The following PCNX1 variants were observed in gnomAD, a reference collection of about 807,000 sequenced individuals.
The protein encoded by PCNX1 is pecanex 1, also known as pecanex-like protein 1.
A neutral mutation model predicts 242.2 loss-of-function variants in PCNX1; 78 were observed. That is an observed-to-expected ratio of 0.32 (90% confidence interval 0.27 to 0.39). The LOEUF (loss-of-function observed/expected upper bound fraction) is 0.39, where lower values mean the gene tolerates loss of function less well. Ranked by LOEUF, PCNX1 falls within the 10% of genes least tolerant of loss-of-function variation. PCNX1 has a pLI of 1.00. For synonymous variants in PCNX1, 1,024 were observed against 1,032.9 expected (o/e 0.99, Z 0.17); for missense variants, 2,581 against 2,856.5 (o/e 0.90, Z 2.20).
chr14:71,108,917 T>C lies in PCNX1; in HGVS notation c.6615T>C (p.His2205=). ...GCCAAAGCATCCCAGCCTGCAAACA[T>C]CACACTCTCGTGGGCTTTCTTGCGA... is the stretch of plus-strand genomic sequence containing the variant. ...SSSQSIPACK[H]HTLVGFLATE... is the part of the protein sequence containing the mutation. Residue 2205 remains histidine (H), a synonymous_variant, in exon 34 of 36, where the codon CAT becomes CAC. Transcript: ENST00000304743. The C allele has an allele frequency of 6.2e-7, 1 of 1,614,168 alleles. No homozygotes were observed. Among genetic ancestry groups the C allele is most frequent in the Non-Finnish European group, 8.5e-7 (1 of 1,180,018 alleles).
Position 70,977,793 on chromosome 14 carries a change from G to A in PCNX1, c.1456G>A (p.Ala486Thr). 1 of 1,614,102 alleles carries A rather than the reference G, an allele frequency of 6.2e-7. No individual in the cohort carries two copies. Among genetic ancestry groups the A allele is most frequent in the Non-Finnish European group, 8.5e-7 (1 of 1,180,016 alleles). ...MHNQRGLSTS[A>T]SEEANKNPHA... ...CAACCAGAGAGGTCTCAGCACCTCT[G>A]CATCTGAAGAAGCCAATAAAAATCC... The change falls in exon 6 of 36, where the codon GCA becomes ACA. Residue 486 changes from alanine to threonine, a missense_variant. By Grantham distance (58) the Ala-to-Thr change is moderately conservative. This residue lies in a region of PCNX1 where 1,204 missense variants were observed against 1,216.7 expected (regional missense o/e 0.99). Transcript: ENST00000304743.
intron 1 of PCNX1, among the ~76,000 whole-genome samples, chr14:70,942,438 C>T (rs1029032214): frequency 2.0e-5 from 3 of 152,170 alleles, no homozygotes; most frequent in Admixed American, 6.5e-5. Flanking sequence ...AAACTCTTCT[C>T]CTACTATGCT....
rs973516439 is a variant in PCNX1, at chr14:70,965,738, A to G, written c.469-2460A>G. On this transcript the variant is annotated intron_variant, in intron 3 of 35. Coordinates refer to ENST00000304743, the MANE Select transcript of PCNX1 (RefSeq NM_014982.3). ...GTAGAGAAGAAGAGCTAATGATTTCATAGGATAAAATAATTGTTTCCAGCT... is the reference window on the plus strand; with the variant it reads ...GTAGAGAAGAAGAGCTAATGATTTCGTAGGATAAAATAATTGTTTCCAGCT... Among the ~76,000 whole-genome samples the G allele has an allele frequency of 4.6e-5, 7 of 151,700 alleles. No homozygotes were observed. The South Asian group carries it at 6.2e-4, about 13-fold the overall frequency.
intron 1 of PCNX1, among the ~76,000 whole-genome samples, chr14:70,919,744 G>A (rs1186524938): frequency 1.2e-5 from 1 of 86,002 alleles, no homozygotes; most frequent in Non-Finnish European, 2.1e-5. Flanking sequence ...AATAGGAGAT[G>A]CTTTATTTGG....
At chr14:71,098,008 G>T (rs1238034558) in intron 30 of PCNX1, among the ~76,000 whole-genome samples, 1 of 152,120 alleles carries the variant, frequency 6.6e-6, no homozygotes, top group Admixed American at 6.5e-5. Context: ...CATATGGCTA[G>T]CCAGCTACCC....
chr14:71,108,727 C>T lies in PCNX1; in HGVS notation c.6425C>T (p.Thr2142Ile), dbSNP rs767037475. The change falls in exon 34 of 36, where the codon ACC becomes ATC. Residue 2142 changes from threonine to isoleucine, a missense_variant. Coordinates refer to ENST00000304743, the MANE Select transcript of PCNX1 (RefSeq NM_014982.3). ...SSRHSSLRMS[T>I]TGFVPCRRSS... ...CGGCATTCATCCCTCCGGATGTCCACCACTGGGTTTGTGCCTTGTCGGCGC... is the reference window on the plus strand; with the variant it reads ...CGGCATTCATCCCTCCGGATGTCCATCACTGGGTTTGTGCCTTGTCGGCGC... 2 of 1,614,248 alleles carry T rather than the reference C, an allele frequency of 1.2e-6. No individual in the cohort carries two copies. The highest frequency in any genetic ancestry group is 1.7e-6 in the Non-Finnish European group (2 of 1,180,042).
chr14:70,937,038 T>TACACTC (rs200491645), intron 1 of PCNX1, among the ~76,000 whole-genome samples: 8 of 151,498 alleles, frequency 5.3e-5, no homozygotes, highest in Non-Finnish European at 1.0e-4. Flanking sequence ...TATTAGCCCT[T>TACACTC]TGTCAGATGG....
chr14:71,033,931 C>T lies in PCNX1; in HGVS notation c.3669C>T (p.Phe1223=), dbSNP rs763802728. ...SRQSSDPSVL[F]SLVQSKIFPK... is the part of the protein sequence containing the mutation. ...TCTGTTTTTTTTTCTTCACATAAAGCTCTTTAGTGCAATCCAAGATTTTTC... is the reference window on the plus strand; with the variant it reads ...TCTGTTTTTTTTTCTTCACATAAAGTTCTTTAGTGCAATCCAAGATTTTTC... The change falls in exon 18 of 36, where the codon TTC becomes TTT. Residue 1223 remains phenylalanine, a splice_region_variant and synonymous_variant. Transcript: ENST00000304743. 2.6e-6 allele frequency: 4 copies of T among 1,520,990 alleles called. No individual in the cohort carries two copies. In the East Asian group the frequency reaches 6.8e-5, roughly 26 times the overall value. The allele number at this position is 1,520,990 out of a possible 1,614,324, so 94.2% of individuals were successfully genotyped here.
At chr14:71,021,349 G>A (rs1168461938) in intron 12 of PCNX1, among the ~76,000 whole-genome samples, 13 of 152,142 alleles carry the variant, frequency 8.5e-5, no homozygotes, top group Non-Finnish European at 1.9e-4. Flanking sequence ...ATTACTTTGG[G>A]CAGTATGGCC....
chr14:71,074,202 T>C (rs1366773714), intron 27 of PCNX1, among the ~76,000 whole-genome samples: 1 of 152,244 alleles, frequency 6.6e-6, no homozygotes, highest in East Asian at 1.9e-4. Context: ...AGTTTGGGGC[T>C]TAAAAGCCAG....
intron 1 of PCNX1, among the ~76,000 whole-genome samples, chr14:70,908,607 C>G (rs1396741019): frequency 6.6e-6 from 1 of 152,226 alleles, no homozygotes; most frequent in African/African-American, 2.4e-5. Context: ...AAACCCGGCT[C>G]GGAACCCTCC....
intron 9 of PCNX1, 40 bp from the exon 10 acceptor site, chr14:71,011,452 C>T: frequency 9.0e-7 from 1 of 1,116,976 alleles, no homozygotes; most frequent in Non-Finnish European, 1.4e-6. Context: ...ATTTTTCTTT[C>T]TGCTTGACAA....
At chr14:70,968,885 T>G (rs2058458521) in intron 4 of PCNX1, 136 bp from the exon 5 acceptor site, 1 of 595,554 alleles carries the variant, frequency 1.7e-6, no homozygotes, top group East Asian at 2.7e-5. Context: ...CTTCCATTAT[T>G]GTAACCTTTG....
At chr14:70,920,736 G>A (rs2056344507) in intron 1 of PCNX1, among the ~76,000 whole-genome samples, 1 of 152,140 alleles carries the variant, frequency 6.6e-6, no homozygotes, top group Non-Finnish European at 1.5e-5. Context: ...TATGAGACAA[G>A]TACACAGCCA....
intron 35 of PCNX1, 52 bp from the exon 36 acceptor site, chr14:71,109,743 A>AGT (rs1566814954): frequency 1.1e-5 from 18 of 1,595,638 alleles, no homozygotes; most frequent in Admixed American, 5.0e-5. Flanking sequence ...AGAGTTTGTG[A>AGT]GTATATTCCA....
intron 1 of PCNX1, among the ~76,000 whole-genome samples, chr14:70,926,947 AG>A (rs2056616728): frequency 1.3e-5 from 2 of 152,218 alleles, no homozygotes. Context: ...AGTATAGTTT[AG>A]TGCTTAAAAA....
intron 1 of PCNX1, among the ~76,000 whole-genome samples, chr14:70,945,971 G>C (rs2057440840): frequency 1.3e-5 from 2 of 152,236 alleles, no homozygotes; most frequent in African/African-American, 2.4e-5. Flanking sequence ...GAGCCTAGTT[G>C]TATTACCTCT....
Position 71,105,294 on chromosome 14 carries a change from C to A in PCNX1, c.6155C>A (p.Thr2052Asn), listed in dbSNP as rs28444741. ...NSGGNIEDSD[T>N]GGGTSCTGNN... ...GGTGGCAATATTGAAGATTCTGATA[C>A]TGGAGGTGGGACTTCCTGCACTGGT... is the stretch of plus-strand genomic sequence containing the variant. The change falls in exon 33 of 36, where the codon ACT becomes AAT. Residue 2052 changes from threonine to asparagine, a missense_variant. Thr to Asn is a moderately conservative substitution (Grantham distance 65). Transcript: ENST00000304743. 1.5e-3 allele frequency: 2,391 copies of A among 1,614,032 alleles called. 23 individuals carry two copies. In the African/African-American group the frequency reaches 0.028, roughly 19 times the overall value.
At chr14:71,006,143 G>C (rs1013759091) in intron 8 of PCNX1, among the ~76,000 whole-genome samples, 26 of 134,656 alleles carry the variant, frequency 1.9e-4, no homozygotes, top group Admixed American at 1.6e-3. Context: ...GTGTGTGTGT[G>C]TGTGTGTGTG....
Sources: gnomAD v4.1 joint callset for allele counts (sites outside exome capture counted in the v4.1 genomes callset) on GRCh38, gnomAD v4.1.1 for gene constraint, gnomAD v4.1.1 regional missense constraint, MANE v1.5 for transcripts, NCBI Gene and HGNC (gene_info 2026-07-23, HGNC 2026-07-21) for gene names.